The following GRIA4 variants were observed in gnomAD, a reference collection of about 807,000 sequenced individuals.
The protein encoded by GRIA4 is glutamate ionotropic receptor AMPA type subunit 4.
In GRIA4, 34 loss-of-function variants were observed where a neutral mutation model predicts 104.0. The observed-to-expected ratio is 0.33, with a 90% CI of 0.25 to 0.44. GRIA4 has a LOEUF of 0.44. Among genes scored for constraint, GRIA4 ranks in the 20% least tolerant of loss-of-function variants. The probability of loss-of-function intolerance (pLI) is 1.00; values close to 1 mark genes in which losing one functional copy is unlikely to be tolerated. For synonymous variants in GRIA4, 386 were observed against 381.9 expected, an observed-to-expected ratio of 1.01 and a Z score of -0.13; for missense variants, 750 against 1,096.5, an observed-to-expected ratio of 0.68 and a Z score of 4.46.
chr11:105,830,581 C>T (rs1207056513), intron 4 of GRIA4, among the ~76,000 whole-genome samples: 1 of 151,982 alleles, frequency 6.6e-6, no homozygotes, highest in Non-Finnish European at 1.5e-5. Flanking sequence ...GTTTTCTGGT[C>T]TTATACACAA....
chr11:105,952,054 T>G (rs1295940114), intron 14 of GRIA4, among the ~76,000 whole-genome samples: 1 of 152,184 alleles, frequency 6.6e-6, no homozygotes, highest in African/African-American at 2.4e-5. Context: ...GGAAATCCCT[T>G]CTCAATAAAT....
chr11:105,642,055 C>A (rs910372110), intron 3 of GRIA4, among the ~76,000 whole-genome samples: 1 of 152,064 alleles, frequency 6.6e-6, no homozygotes, highest in African/African-American at 2.4e-5. Flanking sequence ...TGTCCTAATT[C>A]CTCTTTTTAT....
intron 5 of GRIA4, among the ~76,000 whole-genome samples, chr11:105,885,029 G>C (rs1946203907): frequency 6.6e-6 from 1 of 152,154 alleles, no homozygotes; most frequent in Admixed American, 6.6e-5. Flanking sequence ...CACACCAGAA[G>C]AACGTATAGT....
At chr11:105,651,603 C>G (rs907712952) in intron 3 of GRIA4, among the ~76,000 whole-genome samples, 1 of 152,028 alleles carries the variant, frequency 6.6e-6, no homozygotes, top group African/African-American at 2.4e-5. Flanking sequence ...TATCTTTTGG[C>G]TTCATTAGCC....
intron 3 of GRIA4, among the ~76,000 whole-genome samples, chr11:105,688,156 C>CTATATCTCTATCTCTA (rs373564678): frequency 5.5e-4 from 40 of 72,744 alleles, no homozygotes; most frequent in African/African-American, 2.1e-3. Context: ...ATATCTATAT[C>CTATATCTCTATCTCTA]TCTATCTATC....
At chr11:105,972,927 G>C (rs1040670987) in intron 15 of GRIA4, among the ~76,000 whole-genome samples, 5 of 152,098 alleles carry the variant, frequency 3.3e-5, no homozygotes, top group Admixed American at 6.6e-5. Flanking sequence ...ACATGTGACT[G>C]CTTTAAATAG....
chr11:105,634,364 A>G (rs1219467586), intron 3 of GRIA4, among the ~76,000 whole-genome samples: 1 of 150,348 alleles, frequency 6.7e-6, no homozygotes, highest in African/African-American at 2.4e-5. Context: ...AAAAAAAAAA[A>G]AAAAAGAAGA....
chr11:105,797,469 A>G (rs1030016861), intron 4 of GRIA4, among the ~76,000 whole-genome samples: 6 of 152,122 alleles, frequency 3.9e-5, no homozygotes, highest in Non-Finnish European at 8.8e-5. Flanking sequence ...GCCTAAGGTT[A>G]CACTCTAGCT....
chr11:105,635,538 G>A (rs1951181206), intron 3 of GRIA4, among the ~76,000 whole-genome samples: 1 of 152,184 alleles, frequency 6.6e-6, no homozygotes, highest in Non-Finnish European at 1.5e-5. Context: ...ATACTCCGAA[G>A]GACATTTTTA....
At chr11:105,977,636 A>G (rs1019836230) in intron 16 of GRIA4, among the ~76,000 whole-genome samples, 4 of 152,062 alleles carry the variant, frequency 2.6e-5, no homozygotes, top group Non-Finnish European at 4.4e-5. Context: ...AAAAGATTAC[A>G]CTAGAAAGTT....
chr11:105,750,745 G>T (rs80044357), intron 3 of GRIA4, among the ~76,000 whole-genome samples: 1 of 152,018 alleles, frequency 6.6e-6, no homozygotes, highest in Non-Finnish European at 1.5e-5. Flanking sequence ...AGTACACTTT[G>T]GACATTAAAT....
At chr11:105,816,711 T>C (rs1565259377) in intron 4 of GRIA4, among the ~76,000 whole-genome samples, 1 of 152,060 alleles carries the variant, frequency 6.6e-6, no homozygotes, top group Non-Finnish European at 1.5e-5. Context: ...CAGAGTATAG[T>C]GGTTAAAAGC....
At position 105,724,422 on chromosome 11, in the gene GRIA4, C is replaced by CA. The variant is rs924913314; in HGVS notation, c.248-28558dup. 1.7e-4 allele frequency among the ~76,000 whole-genome samples: 25 copies of CA among 150,948 alleles called. 1 individual carries two copies. Among genetic ancestry groups the CA allele is most frequent in the African/African-American group, 4.6e-4 (19 of 41,026 alleles). Reference sequence around the variant, plus strand: ...ATATATATATGTGCACACAAACACACACACATTGGAATACTATTCAGCCAT... The same window carrying CA: ...ATATATATATGTGCACACAAACACACAACACATTGGAATACTATTCAGCCAT... On this transcript the variant is annotated intron_variant, in intron 3 of 16. Transcript: ENST00000282499.
At chr11:105,767,972 A>G (rs1941029836) in intron 4 of GRIA4, among the ~76,000 whole-genome samples, 1 of 152,158 alleles carries the variant, frequency 6.6e-6, no homozygotes, top group Non-Finnish European at 1.5e-5. Context: ...GGTCCTAGAC[A>G]GTTAACACAT....
intron 3 of GRIA4, among the ~76,000 whole-genome samples, chr11:105,638,557 G>C (rs1298254159): frequency 1.3e-5 from 2 of 151,976 alleles, no homozygotes; most frequent in Non-Finnish European, 2.9e-5. Flanking sequence ...GTGTGTGTGT[G>C]TGTGTGTGTT....
intron 14 of GRIA4, among the ~76,000 whole-genome samples, chr11:105,969,231 A>G (rs1858555659): frequency 1.3e-5 from 2 of 152,142 alleles, no homozygotes; most frequent in Admixed American, 6.5e-5. Flanking sequence ...CATGACAACC[A>G]ATGCAAGAAT....
At chr11:105,753,456 C>T (rs1940123469) in intron 4 of GRIA4, among the ~76,000 whole-genome samples, 1 of 152,134 alleles carries the variant, frequency 6.6e-6, no homozygotes, top group South Asian at 2.1e-4. Context: ...ATTAAGATAA[C>T]TATGTGAATA....
At chr11:105,648,426 T>C (rs1437290717) in intron 3 of GRIA4, among the ~76,000 whole-genome samples, 2 of 151,292 alleles carry the variant, frequency 1.3e-5, no homozygotes, top group African/African-American at 4.8e-5. Context: ...ATTATTTAAA[T>C]ATTATTTAAA....
chr11:105,904,782 A>C (rs2136147142), intron 8 of GRIA4, among the ~76,000 whole-genome samples: 1 of 152,280 alleles, frequency 6.6e-6, no homozygotes, highest in South Asian at 2.1e-4. Flanking sequence ...TGCTTCTTAT[A>C]TCTTAATTTT....
Sources: allele counts gnomAD v4.1 joint callset (sites outside exome capture counted in the v4.1 genomes callset), GRCh38; gene constraint gnomAD v4.1.1; transcripts MANE v1.5; gene names NCBI Gene and HGNC (gene_info 2026-07-23, HGNC 2026-07-21).